Variants in PIGL observed in about 807,000 individuals in gnomAD.
PIGL encodes the protein phosphatidylinositol glycan anchor biosynthesis class L.
A neutral mutation model predicts 31.1 loss-of-function variants in PIGL; 22 were observed. The ratio of observed to expected loss-of-function variants is 0.71; its 90% CI spans 0.51 to 1.01. The LOEUF is 1.01. Among genes scored for constraint, PIGL ranks in the 50% least tolerant of loss-of-function variants. The pLI is 0.00. For missense variants in PIGL, 302 were observed against 315.9 expected (o/e 0.96, Z 0.33); for synonymous variants, 131 against 117.4 (o/e 1.12, Z -0.75).
intron 2 of PIGL, among the ~76,000 whole-genome samples, chr17:16,265,733 T>C (rs2092839576): frequency 6.7e-6 from 1 of 149,418 alleles, no homozygotes; most frequent in Non-Finnish European, 1.5e-5. Context: ...AGAGCGAGAC[T>C]CCGTATTAAA....
intron 6 of PIGL, among the ~76,000 whole-genome samples, chr17:16,322,598 G>A (rs1179490425): frequency 3.3e-5 from 5 of 152,078 alleles, no homozygotes; most frequent in Non-Finnish European, 7.4e-5. Flanking sequence ...TAATCTTTGA[G>A]GGTATAATTT....
intron 3 of PIGL, among the ~76,000 whole-genome samples, chr17:16,310,488 C>T (rs1213046133): frequency 1.3e-5 from 2 of 152,096 alleles, no homozygotes; most frequent in Non-Finnish European, 2.9e-5. Context: ...AATAACTGAT[C>T]GAAACTCATG....
chr17:16,243,017 T>C (rs1449492729), intron 2 of PIGL, among the ~76,000 whole-genome samples: 1 of 152,084 alleles, frequency 6.6e-6, no homozygotes. Context: ...ACATATCCAG[T>C]GTTTAACCAT....
rs1323474288 is a variant in PIGL at position 16,234,040 on chromosome 17, C to T, written c.305C>T (p.Pro102Leu). 1.3e-6 allele frequency: 2 copies of T among 1,598,224 alleles called. No individual in the cohort carries two copies. The highest frequency in any genetic ancestry group is 1.7e-6 in the Non-Finnish European group (2 of 1,165,858). The change falls in exon 2 of 7, where the codon CCA (proline) becomes CTA (leucine). Residue 102 changes from proline to leucine, a missense_variant. Coordinates refer to ENST00000225609, the MANE Select transcript of PIGL (RefSeq NM_004278.4). ...LLQSCDVLGIPLSSVMIIDNR... is the reference protein window; with the variant it reads ...LLQSCDVLGILLSSVMIIDNR... ...CAGAGCTGTGATGTTTTGGGGATTCCACTCTCCAGTGTAATGATTATTGAC... is the reference window on the plus strand; with the variant it reads ...CAGAGCTGTGATGTTTTGGGGATTCTACTCTCCAGTGTAATGATTATTGAC...
At chr17:16,232,249 G>T (rs1265276075) in intron 1 of PIGL, among the ~76,000 whole-genome samples, 1 of 152,092 alleles carries the variant, frequency 6.6e-6, no homozygotes, top group African/African-American at 2.4e-5. Flanking sequence ...CTGCACTCCA[G>T]CCTGGGCAAC....
chr17:16,310,211 CATGTTAATAA>C (rs2093043237), intron 3 of PIGL, among the ~76,000 whole-genome samples: 1 of 151,610 alleles, frequency 6.6e-6, no homozygotes, highest in Non-Finnish European at 1.5e-5. Context: ...ACTTTGTCAA[CATGTTAATAA>C]ATTGAGGCTC....
chr17:16,299,392 C>T (rs888716912), intron 2 of PIGL, among the ~76,000 whole-genome samples: 2 of 149,610 alleles, frequency 1.3e-5, no homozygotes, highest in Admixed American at 6.7e-5. Flanking sequence ...TGTAGTGAGC[C>T]GAGATCTCAC....
chr17:16,257,393 G>A (rs1035901680), intron 2 of PIGL, among the ~76,000 whole-genome samples: 2 of 150,862 alleles, frequency 1.3e-5, no homozygotes, highest in African/African-American at 2.4e-5. Context: ...CTCCAGCTTG[G>A]GCGACAAGAG....
intron 1 of PIGL, among the ~76,000 whole-genome samples, chr17:16,232,819 C>T (rs1431715523): frequency 6.7e-6 from 1 of 150,222 alleles, no homozygotes; most frequent in Non-Finnish European, 1.5e-5. Flanking sequence ...CAAAACTAAA[C>T]CTGTAAACTA....
intron 2 of PIGL, among the ~76,000 whole-genome samples, chr17:16,278,231 T>A (rs546140016): frequency 6.6e-6 from 1 of 152,268 alleles, no homozygotes; most frequent in Non-Finnish European, 1.5e-5. Context: ...AATTTTTGTA[T>A]TTTTAGTAGA....
At chr17:16,275,178 A>T (rs186063497) in intron 2 of PIGL, among the ~76,000 whole-genome samples, 1 of 152,326 alleles carries the variant, frequency 6.6e-6, no homozygotes, top group Admixed American at 6.5e-5. Flanking sequence ...TTTTCTGGGA[A>T]AGAGGTGGGC....
At chr17:16,320,245 G>GA (rs2093098276) in intron 6 of PIGL, among the ~76,000 whole-genome samples, 2 of 70,556 alleles carry the variant, frequency 2.8e-5, no homozygotes, top group African/African-American at 9.4e-5. Flanking sequence ...AAGGAAGGAA[G>GA]GAAGGAAAGG....
chr17:16,283,783 A>G lies in PIGL; in HGVS notation c.336-16105A>G, dbSNP rs1007137740. Reference sequence around the variant, plus strand: ...AATTATTAAGGAGTTAGCAATTACTATTAATGCTGTTGAATATGAGTAAGA... The same window carrying G: ...AATTATTAAGGAGTTAGCAATTACTGTTAATGCTGTTGAATATGAGTAAGA... On this transcript the variant is annotated intron_variant, in intron 2 of 6. Transcript: ENST00000225609. Among the ~76,000 whole-genome samples, 7 of 152,260 alleles carry G rather than the reference A, an allele frequency of 4.6e-5. No homozygotes were observed. In the East Asian group the frequency reaches 1.3e-3, roughly 29 times the overall value.
intron 1 of PIGL, among the ~76,000 whole-genome samples, chr17:16,231,303 T>A (rs2092678426): frequency 6.6e-6 from 1 of 150,726 alleles, no homozygotes; most frequent in Non-Finnish European, 1.5e-5. Context: ...GGTGTGGTCA[T>A]GGTTCACTAT....
chr17:16,313,425 A>T (rs1011723407), intron 3 of PIGL, 122 bp from the exon 4 acceptor site: 9 of 751,888 alleles, frequency 1.2e-5, no homozygotes, highest in Non-Finnish European at 2.2e-5. Context: ...GTCACTTCAG[A>T]TAGATGCTGC....
intron 2 of PIGL, among the ~76,000 whole-genome samples, chr17:16,251,297 C>A (rs1412547721): frequency 6.6e-6 from 1 of 151,566 alleles, no homozygotes; most frequent in African/African-American, 2.4e-5. Flanking sequence ...GTGGCGTGTG[C>A]CTGTGGTCCC....
chr17:16,275,926 C>A (rs1038474164), intron 2 of PIGL, among the ~76,000 whole-genome samples: 3 of 151,864 alleles, frequency 2.0e-5, no homozygotes, highest in Non-Finnish European at 4.4e-5. Context: ...CAAGAGGCTG[C>A]GGCAGGAGAA....
At chr17:16,221,400 G>C (rs7219795) in intron 1 of PIGL, among the ~76,000 whole-genome samples, 1 of 150,886 alleles carries the variant, frequency 6.6e-6, no homozygotes, top group Admixed American at 6.6e-5. Context: ...TGATCCTCCC[G>C]CCTCAGCCTA....
chr17:16,319,788 G>T (rs1256672117), intron 6 of PIGL, among the ~76,000 whole-genome samples: 1 of 151,668 alleles, frequency 6.6e-6, no homozygotes, highest in Non-Finnish European at 1.5e-5. Context: ...AGGGCAGACT[G>T]CAAGAAGCCC....
Sources: allele counts gnomAD v4.1 joint callset (sites outside exome capture counted in the v4.1 genomes callset), GRCh38; gene constraint gnomAD v4.1.1; transcripts MANE v1.5; gene names NCBI Gene and HGNC (gene_info 2026-07-23, HGNC 2026-07-21).